The following CLNK variants were observed in gnomAD, a reference collection of about 807,000 sequenced individuals.
The protein encoded by CLNK is cytokine-dependent hematopoietic cell linker.
CLNK carries 74 observed loss-of-function variants against 68.6 expected under a neutral mutation model. That is an observed-to-expected ratio of 1.08 (90% confidence interval 0.89 to 1.31). CLNK has a LOEUF of 1.31. Among genes scored for constraint, CLNK ranks in the 50% most tolerant of loss-of-function variants. The pLI is 0.00. For synonymous variants in CLNK, 198 were observed against 172.2 expected (o/e 1.15, Z -1.17); for missense variants, 553 against 515.3 (o/e 1.07, Z -0.71).
chr4:10,606,484 G>T (rs1721797209), intron 2 of CLNK, among the ~76,000 whole-genome samples: 3 of 151,762 alleles, frequency 2.0e-5, no homozygotes, highest in Admixed American at 6.6e-5. Flanking sequence ...ACAATAAAAA[G>T]TATAGTCTAG....
chr4:10,673,665 T>C (rs1724753691), intron 1 of CLNK, among the ~76,000 whole-genome samples: 1 of 145,370 alleles, frequency 6.9e-6, no homozygotes, highest in Non-Finnish European at 1.5e-5. Context: ...CTGGGGCCTG[T>C]CAGGGGGTGG....
intron 1 of CLNK, among the ~76,000 whole-genome samples, chr4:10,677,090 A>G (rs1430469593): frequency 6.6e-6 from 1 of 150,990 alleles, no homozygotes; most frequent in Admixed American, 6.7e-5. Flanking sequence ...TTGTTTCTCC[A>G]TTGCTTGATT....
At chr4:10,501,731 AG>A (rs1213601685) in intron 17 of CLNK, among the ~76,000 whole-genome samples, 1 of 152,156 alleles carries the variant, frequency 6.6e-6, no homozygotes, top group Non-Finnish European at 1.5e-5. Flanking sequence ...GTTTGAAACC[AG>A]GCCTGCCAAC....
At position 10,647,601 on chromosome 4, in the gene CLNK, C is replaced by A. The variant is rs568204833; in HGVS notation, c.11+20258G>T. On this transcript the variant is annotated intron_variant, in intron 2 of 18. Transcript: ENST00000226951. ...AGAAAAAGAAGTCATATTAAATCCA[C>A]CTAGGATACAGATATGAGATTCTTA... Among the ~76,000 whole-genome samples, 13 of 152,160 alleles carry A rather than the reference C, an allele frequency of 8.5e-5. No homozygotes were observed. The South Asian group carries it at 2.7e-3, about 32-fold the overall frequency.
chr4:10,493,878 A>G (rs754235714), intron 18 of CLNK, among the ~76,000 whole-genome samples: 40 of 152,216 alleles, frequency 2.6e-4, no homozygotes, highest in Non-Finnish European at 4.7e-4. Flanking sequence ...ATGAACAGTG[A>G]TGGTAACGAT....
rs1205290964 is a variant in CLNK at position 10,557,012 on chromosome 4, GT to G, written c.445+1394del. Among the ~76,000 whole-genome samples, 5 of 151,950 alleles carry G rather than the reference GT, an allele frequency of 3.3e-5. No individual in the cohort carries two copies. The South Asian group carries it at 1.0e-3, about 32-fold the overall frequency. ...AATTGCTTGAGCCAGGGAGGCGGAGGTTGCAGTGAGCCAAGATCACGCCACT... is the reference window on the plus strand; with the variant it reads ...AATTGCTTGAGCCAGGGAGGCGGAGGTGCAGTGAGCCAAGATCACGCCACT... On this transcript the variant is annotated intron_variant, in intron 8 of 18. Transcript: ENST00000226951.
chr4:10,606,045 C>G (rs1721775656), intron 2 of CLNK, among the ~76,000 whole-genome samples: 1 of 151,902 alleles, frequency 6.6e-6, no homozygotes, highest in South Asian at 2.1e-4. Context: ...TTTCTTTAAA[C>G]TTAGCTTACT....
the CLNK span, among the ~76,000 whole-genome samples, chr4:10,698,448 C>T: frequency 6.6e-6 from 1 of 152,190 alleles, no homozygotes; most frequent in Admixed American, 6.5e-5. Context: ...AAATGGGTGA[C>T]TACTGGAATA....
chr4:10,650,470 C>T (rs182562990), intron 2 of CLNK, among the ~76,000 whole-genome samples: 15 of 151,824 alleles, frequency 9.9e-5, no homozygotes, highest in Admixed American at 2.6e-4. Context: ...CTACAGAAAA[C>T]CAAAAAACAT....
At chr4:10,648,185 A>G (rs918112373) in intron 2 of CLNK, among the ~76,000 whole-genome samples, 1 of 152,204 alleles carries the variant, frequency 6.6e-6, no homozygotes, top group Non-Finnish European at 1.5e-5. Flanking sequence ...TCATATTTAT[A>G]GTCCTTTTGA....
Position 10,508,037 on chromosome 4 carries a change from C to A in CLNK, c.907-1G>T. On this transcript the variant is annotated splice_acceptor_variant, in intron 16 of 18. Transcript: ENST00000226951. LOFTEE classifies it high-confidence loss of function. ...TGTACCATTCATTGTGCTGGACATC[C>A]TGCAGAACAGAATCAATGATAAATA... is the stretch of plus-strand genomic sequence containing the variant. 8 of 1,606,318 alleles carry A rather than the reference C, an allele frequency of 5.0e-6. No homozygotes were observed. The highest frequency in any genetic ancestry group is 6.8e-6 in the Non-Finnish European group (8 of 1,175,866).
intron 4 of CLNK, among the ~76,000 whole-genome samples, chr4:10,581,621 C>G (rs1328040982): frequency 6.6e-6 from 1 of 151,290 alleles, no homozygotes; most frequent in African/African-American, 2.4e-5. Context: ...TATAGTAATA[C>G]AATCTCAGAC....
chr4:10,594,372 C>T (rs1400402866), intron 3 of CLNK, among the ~76,000 whole-genome samples: 1 of 152,236 alleles, frequency 6.6e-6, no homozygotes, highest in African/African-American at 2.4e-5. Context: ...GGGCCTCTCC[C>T]TCCACTTGGA....
At chr4:10,492,594 G>A (rs776778072) in intron 18 of CLNK, among the ~76,000 whole-genome samples, 6 of 152,126 alleles carry the variant, frequency 3.9e-5, no homozygotes, top group Non-Finnish European at 8.8e-5. Flanking sequence ...GGCTTCCCTC[G>A]GGGCTGTTGG....
chr4:10,699,268 C>CACACACACACACCACATATGTGTGTGT, the CLNK span, among the ~76,000 whole-genome samples: 1 of 32,380 alleles, frequency 3.1e-5, no homozygotes, highest in East Asian at 8.2e-4. Context: ...TGTGTATACA[C>CACACACACACACCACATATGTGTGTGT]ACACACACAC....
intron 2 of CLNK, among the ~76,000 whole-genome samples, chr4:10,619,759 A>G (rs1314510336): frequency 1.3e-5 from 2 of 152,254 alleles, no homozygotes; most frequent in Non-Finnish European, 2.9e-5. Context: ...TGATCCACAC[A>G]GGCTCTCAAG....
chr4:10,659,296 G>A (rs1272140145), intron 2 of CLNK, among the ~76,000 whole-genome samples: 2 of 152,212 alleles, frequency 1.3e-5, no homozygotes, highest in Non-Finnish European at 2.9e-5. Flanking sequence ...AGCGCCTATG[G>A]CATGCTCCCT....
At chr4:10,659,910 C>T (rs2108888020) in intron 2 of CLNK, among the ~76,000 whole-genome samples, 1 of 152,248 alleles carries the variant, frequency 6.6e-6, no homozygotes, top group African/African-American at 2.4e-5. Context: ...TTGAACTTAA[C>T]AAAATTTTCC....
At chr4:10,598,826 C>G (rs1418707376) in intron 2 of CLNK, 2 of 296,254 alleles carry the variant, frequency 6.8e-6, no homozygotes, top group South Asian at 2.7e-5. Flanking sequence ...TCCACAAATG[C>G]TCCTGACCAA....
Sources: gnomAD v4.1 joint callset for allele counts (sites outside exome capture counted in the v4.1 genomes callset) on GRCh38, gnomAD v4.1.1 for gene constraint, MANE v1.5 for transcripts, NCBI Gene and HGNC (gene_info 2026-07-23, HGNC 2026-07-21) for gene names.